Variants in CACNA1I observed in about 807,000 individuals in gnomAD.
CACNA1I encodes calcium voltage-gated channel subunit alpha1 I, also known as voltage-dependent T-type calcium channel subunit alpha-1I.
Under a neutral mutation model 201.6 loss-of-function variants are expected in CACNA1I, and 74 were observed. The observed-to-expected ratio is 0.37, with a 90% CI of 0.30 to 0.45. The LOEUF (loss-of-function observed/expected upper bound fraction) is 0.45. Ranked by LOEUF, CACNA1I falls within the 20% of genes least tolerant of loss-of-function variation. CACNA1I has a pLI of 1.00. For synonymous variants in CACNA1I, 1,431 were observed against 1,345.2 expected, an observed-to-expected ratio of 1.06 and a Z score of -1.40; for missense variants, 2,346 against 3,138.1, an observed-to-expected ratio of 0.75 and a Z score of 6.03.
At chr22:39,608,558 G>A (rs1435525534) in intron 3 of CACNA1I, among the ~76,000 whole-genome samples, 5 of 152,078 alleles carry the variant, frequency 3.3e-5, no homozygotes, top group African/African-American at 1.2e-4. Context: ...TGTATCCTGG[G>A]CTGAGTGCAG....
chr22:39,680,291 C>T (rs1935664770), intron 33 of CACNA1I, among the ~76,000 whole-genome samples: 1 of 152,196 alleles, frequency 6.6e-6, no homozygotes, highest in African/African-American at 2.4e-5. Context: ...AGGGCTTAGG[C>T]CCACCCAGCT....
At chr22:39,654,719 C>T (rs1934760984) in intron 10 of CACNA1I, among the ~76,000 whole-genome samples, 1 of 152,092 alleles carries the variant, frequency 6.6e-6, no homozygotes, top group South Asian at 2.1e-4. Flanking sequence ...GAGGTGATGG[C>T]ACTGGGGACG....
intron 5 of CACNA1I, among the ~76,000 whole-genome samples, chr22:39,640,219 T>C (rs1312054861): frequency 2.0e-5 from 3 of 152,018 alleles, no homozygotes; most frequent in African/African-American, 7.3e-5. Context: ...TGAAACCCCA[T>C]CTCTACTAAA....
At chr22:39,584,449 G>T (rs967120901) in intron 1 of CACNA1I, among the ~76,000 whole-genome samples, 5 of 152,196 alleles carry the variant, frequency 3.3e-5, no homozygotes, top group African/African-American at 7.2e-5. Flanking sequence ...GGGAGGCCTG[G>T]TGCTCAGCAG....
chr22:39,596,493 G>A (rs1242613917), intron 1 of CACNA1I, among the ~76,000 whole-genome samples: 1 of 82,290 alleles, frequency 1.2e-5, no homozygotes, highest in East Asian at 1.1e-3. Flanking sequence ...AGGATGGAGA[G>A]AGATGGGGGG....
At chr22:39,592,972 G>C (rs1263956246) in intron 1 of CACNA1I, among the ~76,000 whole-genome samples, 2 of 152,234 alleles carry the variant, frequency 1.3e-5, no homozygotes, top group Admixed American at 6.5e-5. Flanking sequence ...AGTGATGCCA[G>C]TTCTGGCCTG....
chr22:39,663,697 GCCC>G lies in CACNA1I; in HGVS notation c.3474-18_3474-16del. 1 of 1,592,614 alleles carries G rather than the reference GCCC, an allele frequency of 6.3e-7. No homozygotes were observed. Among genetic ancestry groups the G allele is most frequent in the Non-Finnish European group, 8.6e-7 (1 of 1,163,668 alleles). On this transcript the variant is annotated intron_variant, in intron 18 of 36. Coordinates refer to ENST00000402142, the MANE Select transcript of CACNA1I (RefSeq NM_021096.4). ...GTGGGAGGCAGCTGACGCTCAGGCA[GCCC>G]CCGCCCACCCTGCCCAGGTTCCGGG...
intron 4 of CACNA1I, among the ~76,000 whole-genome samples, chr22:39,625,732 T>G (rs765980267): frequency 4.6e-5 from 7 of 151,838 alleles, no homozygotes; most frequent in Non-Finnish European, 7.4e-5. Context: ...AATTAGGAGT[T>G]GGGAGTCTGG....
intron 1 of CACNA1I, chr22:39,587,622 C>T: frequency 2.8e-6 from 1 of 361,008 alleles, no homozygotes; most frequent in South Asian, 2.1e-5. Flanking sequence ...AGGTTCAAAT[C>T]CTGGCTCTGT....
At chr22:39,680,002 C>A in intron 33 of CACNA1I, 134 bp downstream of exon 33, 1 of 900,382 alleles carries the variant, frequency 1.1e-6, no homozygotes, top group African/African-American at 1.7e-5. Flanking sequence ...ACGTAGCTTC[C>A]ATGGCTGGGG....
chr22:39,662,880 G>A lies in CACNA1I; in HGVS notation c.3473+4G>A, dbSNP rs762666579. The A allele has an allele frequency of 3.9e-6, 6 of 1,552,470 alleles. No homozygotes were observed. Among genetic ancestry groups the A allele is most frequent in the Non-Finnish European group, 5.3e-6 (6 of 1,138,156 alleles). On this transcript the variant is annotated splice_donor_region_variant and intron_variant, in intron 18 of 36. Coordinates refer to ENST00000402142, the MANE Select transcript of CACNA1I (RefSeq NM_021096.4). ...ACCTCTTCTCTCCCGAGAACAGGTG[G>A]GCAGGGCCAGGCCTGGGGTGAGGGT...
intron 29 of CACNA1I, among the ~76,000 whole-genome samples, chr22:39,674,525 C>A (rs533978963): frequency 6.6e-6 from 1 of 152,196 alleles, no homozygotes. Flanking sequence ...CAGCATGAGA[C>A]CCTGACCCAG....
chr22:39,651,140 A>G (rs574883934), intron 10 of CACNA1I, among the ~76,000 whole-genome samples: 64 of 152,274 alleles, frequency 4.2e-4, no homozygotes, highest in Admixed American at 3.7e-3. Flanking sequence ...CCTGAGGTCC[A>G]ACGGCGGGGA....
At chr22:39,609,516 G>A (rs903871821) in intron 3 of CACNA1I, among the ~76,000 whole-genome samples, 3 of 152,184 alleles carry the variant, frequency 2.0e-5, no homozygotes, top group South Asian at 2.1e-4. Context: ...CAAGGCAGCC[G>A]GTGAAGCCGT....
chr22:39,650,363 G>T (rs1934611944), intron 10 of CACNA1I, among the ~76,000 whole-genome samples: 1 of 151,964 alleles, frequency 6.6e-6, no homozygotes, highest in Non-Finnish European at 1.5e-5. Context: ...CTGCTGCCCA[G>T]GCTGGAGTGC....
In CACNA1I at chr22:39,659,672, A is replaced by AG. The variant is rs775961290; in HGVS notation, c.2449-22dup. The stretch of plus-strand genomic sequence containing the variant: ...CCTAGCCCTGGACTAGGGGTACCCC[A>AG]GGGCTAACTGTGTCTCCCCAACAGA... On this transcript the variant is annotated intron_variant, in intron 13 of 36. Transcript: ENST00000402142. The surrounding 1 kb of genome is among the most constrained non-coding windows in gnomAD (Gnocchi z 4.3). 3 of 1,613,490 alleles carry AG rather than the reference A, an allele frequency of 1.9e-6. No homozygotes were observed. The Admixed American group carries it at 5.0e-5, about 27-fold the overall frequency.
At position 39,681,352 on chromosome 22, in the gene CACNA1I, C is replaced by T. The variant is rs146668916; in HGVS notation, c.5664+300C>T. 3.9e-5 allele frequency among the ~76,000 whole-genome samples: 6 copies of T among 152,308 alleles called. No homozygotes were observed. The East Asian group carries it at 1.2e-3, about 29-fold the overall frequency. ...TCCACGGGGGGTCATCCCTGGCCGGCGGGGCTGTGAGGCTGAAGCGAACGG... is the reference window on the plus strand; with the variant it reads ...TCCACGGGGGGTCATCCCTGGCCGGTGGGGCTGTGAGGCTGAAGCGAACGG... On this transcript the variant is annotated intron_variant, in intron 34 of 36. Coordinates refer to ENST00000402142, the MANE Select transcript of CACNA1I (RefSeq NM_021096.4).
At position 39,686,427 on chromosome 22, in the gene CACNA1I, GC is replaced by G; in HGVS notation, c.*25del. ...ATGAGGGTCGCAGGGGCCCCCGGCCGCCCACCGCCCGCCCCGTCTCACCTTC... is the reference window on the plus strand; with the variant it reads ...ATGAGGGTCGCAGGGGCCCCCGGCCGCCACCGCCCGCCCCGTCTCACCTTC... On this transcript the variant is annotated 3_prime_UTR_variant, in exon 37 of 37. Coordinates refer to ENST00000402142, the MANE Select transcript of CACNA1I (RefSeq NM_021096.4). 1.6e-6 allele frequency: 2 copies of G among 1,221,270 alleles called. No homozygotes were observed. The highest frequency in any genetic ancestry group is 1.0e-6 in the Non-Finnish European group (1 of 975,564). 75.7% of individuals were successfully genotyped at this position (1,221,270 alleles called of 1,614,324 possible). A position where few individuals can be genotyped will look rare whatever the true frequency, so the allele number is the denominator to read the frequency against.
At chr22:39,678,963 A>G in intron 31 of CACNA1I, 144 bp from the exon 32 acceptor site, 1 of 627,446 alleles carries the variant, frequency 1.6e-6, no homozygotes, top group South Asian at 2.0e-5. Flanking sequence ...GCAACAAGGC[A>G]GAGTGGGGCA....
Sources: allele counts gnomAD v4.1 joint callset (sites outside exome capture counted in the v4.1 genomes callset), GRCh38; gene constraint gnomAD v4.1.1; non-coding constraint Gnocchi (gnomAD v3.1); transcripts MANE v1.5; gene names NCBI Gene and HGNC (gene_info 2026-07-23, HGNC 2026-07-21).